The following PLOD2 variants were observed in gnomAD, a reference collection of about 807,000 sequenced individuals.
PLOD2 encodes the protein lysine hydroxylase 2.
Under a neutral mutation model 101.0 loss-of-function variants are expected in PLOD2, and 65 were observed. That is an observed-to-expected ratio of 0.64 (90% CI 0.53 to 0.79). The LOEUF is 0.79. Among genes scored for constraint, PLOD2 ranks in the 30% least tolerant of loss-of-function variants. The pLI, the probability that PLOD2 is intolerant of heterozygous loss-of-function variation, is 0.00. For missense variants in PLOD2, 909 were observed against 914.6 expected (o/e 0.99, Z 0.08); for synonymous variants, 314 against 302.9 (o/e 1.04, Z -0.38).
intron 1 of PLOD2, among the ~76,000 whole-genome samples, chr3:146,127,867 T>A (rs1331857133): frequency 2.0e-5 from 3 of 152,096 alleles, no homozygotes; most frequent in Non-Finnish European, 4.4e-5. Flanking sequence ...AAACAACAGA[T>A]GTTGGCATGG....
Position 146,135,907 on chromosome 3 carries a change from A to G in PLOD2, c.110-11678T>C, listed in dbSNP as rs72994376. The stretch of plus-strand genomic sequence containing the variant: ...ACTGCTGTCCAAAAAAAAAAATTAA[A>G]TATCAAAAAACTGCAATTGATAAAG... On this transcript the variant is annotated intron_variant, in intron 1 of 19. Coordinates refer to ENST00000282903, the MANE Select transcript of PLOD2 (RefSeq NM_182943.3). 2.0e-3 allele frequency among the ~76,000 whole-genome samples: 300 copies of G among 152,252 alleles called. 1 individual carries two copies. Among genetic ancestry groups the G allele is most frequent in the African/African-American group, 6.9e-3 (287 of 41,564 alleles).
At chr3:146,140,605 T>C (rs2031475118) in intron 1 of PLOD2, among the ~76,000 whole-genome samples, 2 of 152,098 alleles carry the variant, frequency 1.3e-5, no homozygotes, top group Admixed American at 1.3e-4. Flanking sequence ...TACGCTTTAA[T>C]AAAGAATAGG....
At position 146,085,153 on chromosome 3, in the gene PLOD2, G is replaced by T. The variant is rs201887294; in HGVS notation, c.1232+16C>A. ...ATCATTTTAACAATAAATTGATATC[G>T]AATTTTAGAAAGTACCTGTTTTGTT... On this transcript the variant is annotated intron_variant, in intron 11 of 19. Transcript: ENST00000282903. 6.5e-5 allele frequency: 73 copies of T among 1,120,552 alleles called. No homozygotes were observed. The African/African-American group carries it at 8.4e-4, about 13-fold the overall frequency. 69.4% of individuals were successfully genotyped at this position (1,120,552 alleles called of 1,614,324 possible). A position where few individuals can be genotyped will look rare whatever the true frequency, so the allele number is the denominator to read the frequency against.
intron 12 of PLOD2, among the ~76,000 whole-genome samples, chr3:146,080,023 C>T (rs1349035733): frequency 3.9e-5 from 6 of 151,918 alleles, no homozygotes; most frequent in African/African-American, 9.7e-5. Context: ...TAAGACTGTG[C>T]GCCTTTCTTT....
At chr3:146,154,152 T>C (rs763931597) in intron 1 of PLOD2, among the ~76,000 whole-genome samples, 1 of 152,218 alleles carries the variant, frequency 6.6e-6, no homozygotes, top group Non-Finnish European at 1.5e-5. Flanking sequence ...TCCTGACCAC[T>C]TTCCTGCCTC....
rs983053371 is a variant in PLOD2, at chr3:146,160,768, G to A, written c.109+113C>T. 4.2e-6 allele frequency: 3 copies of A among 710,996 alleles called. No individual in the cohort carries two copies. In the African/African-American group the frequency reaches 5.3e-5, roughly 12 times the overall value. 44.0% of individuals were successfully genotyped at this position (710,996 alleles called of 1,614,324 possible). On this transcript the variant is annotated intron_variant, in intron 1 of 19. Transcript: ENST00000282903. Reference sequence around the variant, plus strand: ...AGACCCCGGCGGTCCTGGAGAGGAGGGACAGGCCCCCACTACTCACCTGGC... The same window carrying A: ...AGACCCCGGCGGTCCTGGAGAGGAGAGACAGGCCCCCACTACTCACCTGGC...
intron 15 of PLOD2, chr3:146,076,494 T>C: frequency 4.5e-6 from 1 of 224,630 alleles, no homozygotes; most frequent in Non-Finnish European, 8.8e-6. Context: ...AAATGGTAGC[T>C]CTGTTTTAAG....
At chr3:146,130,265 T>C (rs2030833069) in intron 1 of PLOD2, among the ~76,000 whole-genome samples, 1 of 152,186 alleles carries the variant, frequency 6.6e-6, no homozygotes. Context: ...TTCTTACACA[T>C]ATGCTATTTC....
intron 7 of PLOD2, among the ~76,000 whole-genome samples, chr3:146,100,670 T>G (rs1056180860): frequency 2.0e-5 from 3 of 152,096 alleles, no homozygotes; most frequent in African/African-American, 7.2e-5. Context: ...GTAGTATTGC[T>G]GAGCGGAGAG....
At chr3:146,150,616 C>G (rs970767259) in intron 1 of PLOD2, among the ~76,000 whole-genome samples, 3 of 152,150 alleles carry the variant, frequency 2.0e-5, no homozygotes, top group Non-Finnish European at 4.4e-5. Flanking sequence ...AAGAAGATAA[C>G]TACTGAGTAC....
At chr3:146,139,360 G>A (rs1437828422) in intron 1 of PLOD2, among the ~76,000 whole-genome samples, 2 of 152,190 alleles carry the variant, frequency 1.3e-5, no homozygotes, top group East Asian at 3.9e-4. Context: ...CTGAAAAGAT[G>A]AGTCTGTTAC....
At chr3:146,108,772 A>C (rs1436596597) in intron 4 of PLOD2, among the ~76,000 whole-genome samples, 1 of 152,110 alleles carries the variant, frequency 6.6e-6, no homozygotes, top group African/African-American at 2.4e-5. Context: ...CTGAAACCTA[A>C]CCACCTGAGT....
chr3:146,131,931 GA>G (rs5853265), intron 1 of PLOD2, among the ~76,000 whole-genome samples: 76,038 of 149,586 alleles, frequency 0.51, 19,169 homozygotes, highest in East Asian at 0.57. Flanking sequence ...ATTTCAACAA[GA>G]AAAAAAAAAC....
chr3:146,086,792 C>A lies in PLOD2; in HGVS notation c.1122G>T (p.Met374Ile). Reference protein sequence around the residue: ...ENLSQAEARNMGMDFCRQDEK... With the variant: ...ENLSQAEARNIGMDFCRQDEK... ...TTTAATTTATTAAAACATACATTCC[C>A]ATGTTTCTGGCTTCCGCTTGACTTA... is the stretch of plus-strand genomic sequence containing the variant. Residue 374 changes from methionine (M) to isoleucine (I), a missense_variant, in exon 10 of 20, where the codon ATG becomes ATT. By Grantham distance (10) the Met-to-Ile change is conservative (BLOSUM62 1). Transcript: ENST00000282903. 3 of 1,460,876 alleles carry A rather than the reference C, an allele frequency of 2.1e-6. No homozygotes were observed. Among genetic ancestry groups the A allele is most frequent in the Non-Finnish European group, 2.8e-6 (3 of 1,078,674 alleles). The allele number at this position is 1,460,876 out of a possible 1,614,324, so 90.5% of individuals were successfully genotyped here.
chr3:146,160,996 C>T lies in PLOD2; in HGVS notation c.-7G>A. 1 of 1,554,500 alleles carries T rather than the reference C, an allele frequency of 6.4e-7. No individual in the cohort carries two copies. Among genetic ancestry groups the T allele is most frequent in the Non-Finnish European group, 8.7e-7 (1 of 1,145,572 alleles). ...TCACCGTGCATCCCCCCATATTCGG[C>T]CCTCGAGGGCCGCGCGGGCTCAGGC... On this transcript the variant is annotated 5_prime_UTR_variant, in exon 1 of 20. Coordinates refer to ENST00000282903, the MANE Select transcript of PLOD2 (RefSeq NM_182943.3).
intron 7 of PLOD2, among the ~76,000 whole-genome samples, chr3:146,096,560 C>T (rs1160510978): frequency 3.3e-5 from 3 of 91,724 alleles, no homozygotes; most frequent in Non-Finnish European, 6.7e-5. Context: ...GTGAGGAGCG[C>T]CTCTGCTGGG....
At chr3:146,089,855 T>C (rs373808370) in intron 8 of PLOD2, among the ~76,000 whole-genome samples, 1 of 151,508 alleles carries the variant, frequency 6.6e-6, no homozygotes, top group African/African-American at 2.4e-5. Context: ...GATGATGCGT[T>C]TCATTTAATT....
rs535814802 is a variant in PLOD2, at chr3:146,160,550, C to T, written c.109+331G>A. Among the ~76,000 whole-genome samples, 20 of 152,254 alleles carry T rather than the reference C, an allele frequency of 1.3e-4. No homozygotes were observed. In the East Asian group the frequency reaches 1.5e-3, roughly 12 times the overall value. On this transcript the variant is annotated intron_variant, in intron 1 of 19. Coordinates refer to ENST00000282903, the MANE Select transcript of PLOD2 (RefSeq NM_182943.3). ...TCAAGGATAAATCCATGCCAACTCT[C>T]GGAAAGGAGGGGAAAGGAGAGCTGC...
chr3:146,084,324 T>C (rs1006642136), intron 11 of PLOD2, among the ~76,000 whole-genome samples: 1 of 152,050 alleles, frequency 6.6e-6, no homozygotes, highest in African/African-American at 2.4e-5. Context: ...AGGTCTTAGA[T>C]TTTTGAAGTA....
Sources: gnomAD v4.1 joint callset for allele counts (sites outside exome capture counted in the v4.1 genomes callset) on GRCh38, gnomAD v4.1.1 for gene constraint, MANE v1.5 for transcripts, NCBI Gene and HGNC (gene_info 2026-07-23, HGNC 2026-07-21) for gene names.